The following RPAP2 variants were observed in gnomAD, a reference collection of about 807,000 sequenced individuals.
The protein encoded by RPAP2 is putative RNA polymerase II subunit B1 CTD phosphatase RPAP2.
In RPAP2, 52 loss-of-function variants were observed where a neutral mutation model predicts 73.1. The ratio of observed to expected loss-of-function variants is 0.71; its 90% CI spans 0.57 to 0.90. RPAP2 has a LOEUF of 0.90. RPAP2 is among the 40% of genes least tolerant of loss of function. RPAP2 has a pLI of 0.00. For synonymous variants in RPAP2, 225 were observed against 242.1 expected (o/e 0.93, Z 0.65); for missense variants, 598 against 701.8 (o/e 0.85, Z 1.67).
chr1:92,317,217 T>G (rs1433274670), intron 6 of RPAP2, among the ~76,000 whole-genome samples: 1 of 152,086 alleles, frequency 6.6e-6, no homozygotes, highest in African/African-American at 2.4e-5. Context: ...TCTATAAAAA[T>G]AGAGTTGAAG....
intron 10 of RPAP2, among the ~76,000 whole-genome samples, chr1:92,345,412 GAAGA>G (rs1283120884): frequency 5.4e-5 from 6 of 111,304 alleles, no homozygotes; most frequent in Middle Eastern, 4.6e-3. Flanking sequence ...GAGAGAGAGA[GAAGA>G]AAGAAAGAGA....
At position 92,333,356 on chromosome 1, in the gene RPAP2, G is replaced by C. The variant is rs200001100; in HGVS notation, c.1456-35G>C. On this transcript the variant is annotated intron_variant, in intron 8 of 12. Coordinates refer to ENST00000610020, the MANE Select transcript of RPAP2 (RefSeq NM_024813.3). ...TATCAAAGAAAGAATGTAAACTTATGATTCTGTTTTGCTTTGTTTAAAAAT... is the reference window on the plus strand; with the variant it reads ...TATCAAAGAAAGAATGTAAACTTATCATTCTGTTTTGCTTTGTTTAAAAAT... The C allele has an allele frequency of 2.8e-4, 419 of 1,495,584 alleles. 4 individuals carry two copies. In the African/African-American group the frequency reaches 3.4e-3, roughly 12 times the overall value. The allele number at this position is 1,495,584 out of a possible 1,614,324, so 92.6% of individuals were successfully genotyped here.
chr1:92,309,320 T>C (rs1461785874), intron 6 of RPAP2, among the ~76,000 whole-genome samples: 1 of 151,760 alleles, frequency 6.6e-6, no homozygotes, highest in Admixed American at 6.6e-5. Flanking sequence ...CACATGCCTG[T>C]AGTCTCAGCT....
intron 11 of RPAP2, among the ~76,000 whole-genome samples, chr1:92,351,234 G>A (rs1654191521): frequency 1.3e-5 from 2 of 148,432 alleles, no homozygotes; most frequent in Non-Finnish European, 3.0e-5. Flanking sequence ...TTGAACCAGG[G>A]AGTCAGAGGT....
Position 92,303,983 on chromosome 1 carries a change from T to G in RPAP2, c.241T>G (p.Phe81Val). The G allele has an allele frequency of 6.2e-7, 1 of 1,603,284 alleles. No homozygotes were observed. Among genetic ancestry groups the G allele is most frequent in the Non-Finnish European group, 8.5e-7 (1 of 1,175,154 alleles). Residue 81 changes from phenylalanine (F) to valine (V), a missense_variant, in exon 4 of 13, where the codon TTC becomes GTC. Transcript: ENST00000610020. ...TEEFLMECGR[F>V]ITPAHYSDVV... Reference sequence around the variant, plus strand: ...CCCTCTCATTTCATTTTAGGGGAGGTTCATTACACCTGCTCACTACAGTGA... The same window carrying G: ...CCCTCTCATTTCATTTTAGGGGAGGGTCATTACACCTGCTCACTACAGTGA...
chr1:92,378,465 G>A (rs986231096), intron 11 of RPAP2, among the ~76,000 whole-genome samples: 2 of 151,980 alleles, frequency 1.3e-5, no homozygotes, highest in Non-Finnish European at 2.9e-5. Context: ...CGCCCACCTC[G>A]GCCTCCCAAT....
chr1:92,364,676 C>T (rs1255311398), intron 11 of RPAP2, among the ~76,000 whole-genome samples: 1 of 152,066 alleles, frequency 6.6e-6, no homozygotes, highest in African/African-American at 2.4e-5. Context: ...ATTGCTAAGT[C>T]CTTTTAGTTC....
intron 6 of RPAP2, among the ~76,000 whole-genome samples, chr1:92,307,670 A>G (rs1651329289): frequency 6.6e-6 from 1 of 152,132 alleles, no homozygotes; most frequent in Non-Finnish European, 1.5e-5. Context: ...GGTTCATTTA[A>G]TCTTTATAAA....
In RPAP2 at chr1:92,320,711, A is replaced by C. The variant is rs1652205052; in HGVS notation, c.524+77A>C. ...CATTAGGAGTGAACCAGGTGATATGAGCTCTTGGACTTCCTGTGCTGATGC... is the reference window on the plus strand; with the variant it reads ...CATTAGGAGTGAACCAGGTGATATGCGCTCTTGGACTTCCTGTGCTGATGC... On this transcript the variant is annotated intron_variant, in intron 7 of 12. Transcript: ENST00000610020. The C allele has an allele frequency of 1.0e-5, 12 of 1,172,950 alleles. No individual in the cohort carries two copies. The Admixed American group carries it at 2.0e-4, about 19-fold the overall frequency. 72.7% of individuals were successfully genotyped at this position (1,172,950 alleles called of 1,614,324 possible).
At chr1:92,374,571 G>A (rs1373790840) in intron 11 of RPAP2, among the ~76,000 whole-genome samples, 1 of 152,146 alleles carries the variant, frequency 6.6e-6, no homozygotes, top group African/African-American at 2.4e-5. Context: ...AGGGCAGTAT[G>A]TGTCCTAAAA....
intron 11 of RPAP2, among the ~76,000 whole-genome samples, chr1:92,365,892 C>T (rs976487845): frequency 6.6e-6 from 1 of 152,130 alleles, no homozygotes; most frequent in Non-Finnish European, 1.5e-5. Flanking sequence ...TCATCTTTTA[C>T]TGACTTACAT....
intron 11 of RPAP2, 95 bp downstream of exon 11, chr1:92,346,009 T>C: frequency 1.2e-6 from 1 of 841,958 alleles, no homozygotes. Flanking sequence ...TAAACTGCCT[T>C]GGAAAATATC....
At chr1:92,379,807 C>T (rs1172265476) in intron 11 of RPAP2, among the ~76,000 whole-genome samples, 1 of 151,394 alleles carries the variant, frequency 6.6e-6, no homozygotes, top group African/African-American at 2.4e-5. Context: ...TGGTGGCACA[C>T]ACCTGTAGTC....
chr1:92,301,124 T>C, intron 2 of RPAP2, among the ~76,000 whole-genome samples: 1 of 152,192 alleles, frequency 6.6e-6, no homozygotes, highest in South Asian at 2.1e-4. Context: ...GACTTATGTA[T>C]GTGCAGTGCA....
chr1:92,316,711 A>C (rs1315590157), intron 6 of RPAP2, among the ~76,000 whole-genome samples: 3 of 152,192 alleles, frequency 2.0e-5, no homozygotes, highest in African/African-American at 7.2e-5. Flanking sequence ...GAAAATACTT[A>C]GCTGGAAGAG....
chr1:92,360,467 T>C (rs1247315052), intron 11 of RPAP2, among the ~76,000 whole-genome samples: 1 of 152,160 alleles, frequency 6.6e-6, no homozygotes. Context: ...TATAATCCAA[T>C]ATGATATGAT....
rs1193837127 is a variant in RPAP2, at chr1:92,370,337, A to C, written c.1689-10387A>C. 3.9e-5 allele frequency among the ~76,000 whole-genome samples: 6 copies of C among 152,350 alleles called. No homozygotes were observed. In the East Asian group the frequency reaches 1.2e-3, roughly 29 times the overall value. ...TGAGTATAGGAAAGAACACCACTGCAAACACCAATCCCAATAGGGAGTAGT... is the reference window on the plus strand; with the variant it reads ...TGAGTATAGGAAAGAACACCACTGCCAACACCAATCCCAATAGGGAGTAGT... On this transcript the variant is annotated intron_variant, in intron 11 of 12. Coordinates refer to ENST00000610020, the MANE Select transcript of RPAP2 (RefSeq NM_024813.3).
intron 11 of RPAP2, among the ~76,000 whole-genome samples, chr1:92,366,218 G>A (rs1654927811): frequency 6.6e-6 from 1 of 152,162 alleles, no homozygotes; most frequent in African/African-American, 2.4e-5. Flanking sequence ...TAGAAGGATT[G>A]CTTGAGCCCA....
intron 11 of RPAP2, among the ~76,000 whole-genome samples, chr1:92,375,570 C>T (rs892489868): frequency 1.3e-5 from 2 of 152,158 alleles, no homozygotes; most frequent in Non-Finnish European, 2.9e-5. Context: ...GTGGCTCAAG[C>T]CTGTAATCTC....
Sources: gnomAD v4.1 joint callset for allele counts (sites outside exome capture counted in the v4.1 genomes callset) on GRCh38, gnomAD v4.1.1 for gene constraint, MANE v1.5 for transcripts, NCBI Gene and HGNC (gene_info 2026-07-23, HGNC 2026-07-21) for gene names.